Variants in CLVS2 observed in about 807,000 individuals in gnomAD.
CLVS2 encodes clavesin-2.
Under a neutral mutation model 29.0 loss-of-function variants are expected in CLVS2, and 19 were observed. The observed-to-expected ratio is 0.66, with a 90% confidence interval of 0.46 to 0.96. The LOEUF is 0.96. Ranked by LOEUF, CLVS2 falls within the 40% of genes least tolerant of loss-of-function variation. The pLI, the probability that CLVS2 is intolerant of heterozygous loss-of-function variation, is 0.00. For missense variants in CLVS2, 294 were observed against 404.1 expected, an observed-to-expected ratio of 0.73 and a Z score of 2.34; for synonymous variants, 161 against 151.3, an observed-to-expected ratio of 1.06 and a Z score of -0.47.
At chr6:123,057,997 A>G (rs1193136597) in intron 5 of CLVS2, among the ~76,000 whole-genome samples, 2 of 152,198 alleles carry the variant, frequency 1.3e-5, no homozygotes, top group African/African-American at 4.8e-5. Context: ...GAGAAGTCAT[A>G]TATTTCATCA....
intron 3 of CLVS2, among the ~76,000 whole-genome samples, chr6:123,027,002 T>A (rs9372732): frequency 6.6e-6 from 1 of 152,014 alleles, no homozygotes; most frequent in South Asian, 2.1e-4. Context: ...TGTGGAGAGA[T>A]GTACGTAGGG....
At chr6:123,030,131 A>G (rs539645199) in intron 3 of CLVS2, among the ~76,000 whole-genome samples, 8 of 152,306 alleles carry the variant, frequency 5.3e-5, no homozygotes, top group African/African-American at 1.9e-4. Context: ...GTAATATTCC[A>G]TTGTCTCCTT....
At chr6:123,028,513 CCAAA>C (rs1423947544) in intron 3 of CLVS2, among the ~76,000 whole-genome samples, 1 of 152,092 alleles carries the variant, frequency 6.6e-6, no homozygotes, top group Admixed American at 6.6e-5. Flanking sequence ...AACAAACAAA[CCAAA>C]CAAGGTCATG....
At chr6:123,000,391 A>G (rs1774574062) in intron 2 of CLVS2, among the ~76,000 whole-genome samples, 2 of 152,146 alleles carry the variant, frequency 1.3e-5, no homozygotes, top group African/African-American at 2.4e-5. Flanking sequence ...GGACTAGTAG[A>G]CAAACAGATC....
At chr6:123,002,550 A>G (rs1215295041) in intron 2 of CLVS2, among the ~76,000 whole-genome samples, 1 of 151,088 alleles carries the variant, frequency 6.6e-6, no homozygotes. Flanking sequence ...AATGCCAATC[A>G]CAAAGCTTTA....
intron 5 of CLVS2, among the ~76,000 whole-genome samples, chr6:123,058,602 CTT>C (rs901810300): frequency 2.0e-5 from 3 of 152,096 alleles, no homozygotes; most frequent in Non-Finnish European, 4.4e-5. Flanking sequence ...ATCCAAAAAT[CTT>C]TTTAAAATAT....
intron 3 of CLVS2, among the ~76,000 whole-genome samples, chr6:123,019,065 T>G (rs1774883702): frequency 6.6e-6 from 1 of 152,086 alleles, no homozygotes; most frequent in African/African-American, 2.4e-5. Context: ...TGCTCAATTT[T>G]ATTCCTTTTC....
At chr6:123,049,004 A>G (rs1411798557) in intron 4 of CLVS2, among the ~76,000 whole-genome samples, 2 of 152,200 alleles carry the variant, frequency 1.3e-5, no homozygotes, top group African/African-American at 4.8e-5. Flanking sequence ...AAAGGCCAAA[A>G]AAAACTCTTA....
chr6:123,057,631 T>TCC (rs1772713412), intron 5 of CLVS2, among the ~76,000 whole-genome samples: 1 of 151,968 alleles, frequency 6.6e-6, no homozygotes, highest in Non-Finnish European at 1.5e-5. Context: ...GAGTGAGCCA[T>TCC]TGCGCCTGGC....
chr6:123,047,355 A>T (rs1772528135), intron 3 of CLVS2, among the ~76,000 whole-genome samples: 1 of 152,132 alleles, frequency 6.6e-6, no homozygotes, highest in Non-Finnish European at 1.5e-5. Context: ...CCACATATTT[A>T]CAAAAGAAGT....
At chr6:123,002,973 ACT>A (rs1338468915) in intron 2 of CLVS2, among the ~76,000 whole-genome samples, 2 of 152,158 alleles carry the variant, frequency 1.3e-5, no homozygotes, top group African/African-American at 4.8e-5. Flanking sequence ...TTTCAGGGAA[ACT>A]CTTTTAACAA....
In CLVS2 at chr6:122,997,049, G is replaced by C. The variant is rs542582977; in HGVS notation, c.-559-170G>C. On this transcript the variant is annotated intron_variant, in intron 1 of 5. Coordinates refer to ENST00000275162, the MANE Select transcript of CLVS2 (RefSeq NM_001010852.4). ...TGAGATCACGGTGTATCTCAGAGGG[G>C]TGGTGGGAAGGTGCGCTATCTGCAG... is the stretch of plus-strand genomic sequence containing the variant. 9.7e-4 allele frequency among the ~76,000 whole-genome samples: 148 copies of C among 152,318 alleles called. 1 individual carries two copies. Among genetic ancestry groups the C allele is most frequent in the Admixed American group, 1.6e-3 (25 of 15,302 alleles).
intron 3 of CLVS2, among the ~76,000 whole-genome samples, chr6:123,018,951 C>T (rs1774882232): frequency 6.6e-6 from 1 of 152,096 alleles, no homozygotes; most frequent in South Asian, 2.1e-4. Context: ...AACCATCTCT[C>T]ACATGAAGTC....
chr6:123,005,660 G>C (rs1482333368), intron 2 of CLVS2, among the ~76,000 whole-genome samples: 1 of 152,162 alleles, frequency 6.6e-6, no homozygotes, highest in African/African-American at 2.4e-5. Context: ...CATGGGTCAG[G>C]TAGTCACCAA....
intron 3 of CLVS2, among the ~76,000 whole-genome samples, chr6:123,048,246 T>C (rs908024776): frequency 6.3e-4 from 95 of 151,920 alleles, no homozygotes; most frequent in African/African-American, 2.2e-3. Context: ...TTAATATAAA[T>C]ATAAATAATT....
At chr6:123,056,316 T>G (rs1772692384) in intron 5 of CLVS2, among the ~76,000 whole-genome samples, 1 of 152,256 alleles carries the variant, frequency 6.6e-6, no homozygotes, top group South Asian at 2.1e-4. Flanking sequence ...CCAAACTTAT[T>G]CTTCCTGTCT....
At chr6:123,046,687 C>A (rs1365564827) in intron 3 of CLVS2, among the ~76,000 whole-genome samples, 1 of 151,590 alleles carries the variant, frequency 6.6e-6, no homozygotes, top group African/African-American at 2.4e-5. Context: ...TAATAATAAT[C>A]ACTTGAGCCA....
chr6:123,004,739 C>A (rs1774639017), intron 2 of CLVS2, among the ~76,000 whole-genome samples: 1 of 151,826 alleles, frequency 6.6e-6, no homozygotes, highest in African/African-American at 2.4e-5. Flanking sequence ...ATGGTGAAAC[C>A]CCGTCTCTAC....
chr6:123,061,387 A>G (rs1772776539), intron 5 of CLVS2, among the ~76,000 whole-genome samples: 1 of 152,196 alleles, frequency 6.6e-6, no homozygotes, highest in Admixed American at 6.5e-5. Context: ...GAATAAATCA[A>G]TTCATTAATA....
Sources: allele counts gnomAD v4.1 joint callset (sites outside exome capture counted in the v4.1 genomes callset), GRCh38; gene constraint gnomAD v4.1.1; transcripts MANE v1.5; gene names NCBI Gene and HGNC (gene_info 2026-07-23, HGNC 2026-07-21).